The following DNAH17 variants were observed in gnomAD, a reference collection of about 807,000 sequenced individuals.
DNAH17 encodes dynein axonemal heavy chain 17.
DNAH17 carries 376 observed loss-of-function variants against 485.6 expected under a neutral mutation model. The observed-to-expected ratio is 0.77, with a 90% confidence interval of 0.71 to 0.84. DNAH17 has a LOEUF of 0.84. DNAH17 is among the 40% of genes least tolerant of loss of function. The pLI is 0.00. For synonymous variants in DNAH17, 3,031 were observed against 2,405.9 expected (o/e 1.26, Z -7.60); for missense variants, 6,370 against 5,839.3 (o/e 1.09, Z -2.96).
intron 74 of DNAH17, among the ~76,000 whole-genome samples, chr17:78,437,419 C>T (rs2086884398): frequency 6.6e-6 from 1 of 152,248 alleles, no homozygotes; most frequent in Admixed American, 6.5e-5. Context: ...GCATCTACAG[C>T]TTTAAGTAAT....
chr17:78,432,542 G>T (rs1302344528), intron 75 of DNAH17, among the ~76,000 whole-genome samples: 1 of 152,184 alleles, frequency 6.6e-6, no homozygotes, highest in African/African-American at 2.4e-5. Flanking sequence ...CAAGTTCCAG[G>T]CCCAGCCTTC....
In DNAH17 at chr17:78,423,966, C is replaced by A. The variant is rs1164313206; in HGVS notation, c.13329G>T (p.Lys4443Asn). The A allele has an allele frequency of 5.6e-6, 9 of 1,613,904 alleles. No homozygotes were observed. Among genetic ancestry groups the A allele is most frequent in the African/African-American group, 1.3e-5 (1 of 74,928 alleles). ...TCCACTTCGCTGCCTTCTCTTTGGTCTTCAAGTTAAAGGTCCAGACATAGG... is the reference window on the plus strand; with the variant it reads ...TCCACTTCGCTGCCTTCTCTTTGGTATTCAAGTTAAAGGTCCAGACATAGG... ...GPTYVWTFNLKTKEKAAKWIL... is the reference protein window; with the variant it reads ...GPTYVWTFNLNTKEKAAKWIL... Residue 4443 changes from lysine (K) to asparagine (N), a missense_variant, in exon 81 of 81, where the codon AAG becomes AAT. Physicochemically the swap from Lys to Asn is moderately conservative, Grantham distance 94. Transcript: ENST00000389840.
intron 17 of DNAH17, among the ~76,000 whole-genome samples, chr17:78,543,318 C>G (rs1338520279): frequency 6.9e-6 from 1 of 144,612 alleles, no homozygotes; most frequent in East Asian, 2.1e-4. Context: ...GAGTCTCGCT[C>G]TGTCGCCCAA....
intron 13 of DNAH17, among the ~76,000 whole-genome samples, chr17:78,559,373 G>C (rs935610099): frequency 6.6e-6 from 1 of 152,114 alleles, no homozygotes; most frequent in African/African-American, 2.4e-5. Context: ...CTGCCCTCTT[G>C]GCCAATGGCA....
chr17:78,530,004 G>A (rs1336593004), intron 21 of DNAH17, among the ~76,000 whole-genome samples: 2 of 152,222 alleles, frequency 1.3e-5, no homozygotes, highest in Non-Finnish European at 2.9e-5. Context: ...TCCTGGCACT[G>A]TGCCCATCAT....
At chr17:78,528,492 C>A (rs1598647175) in intron 22 of DNAH17, among the ~76,000 whole-genome samples, 1 of 152,144 alleles carries the variant, frequency 6.6e-6, no homozygotes, top group East Asian at 1.9e-4. Context: ...TCTTGTCACC[C>A]CCAGGGCTGT....
At position 78,468,827 on chromosome 17, in the gene DNAH17, G is replaced by A. The variant is rs1303333306; in HGVS notation, c.8568C>T (p.Phe2856=). ...CGGCCACCTGGGAGTCTGTCATCAG[G>A]AACACCGAGGGAACGTTCTTCACGG... ...KAAVKNVPSV[F]LMTDSQVAEE... is the part of the protein sequence containing the mutation. Residue 2856 remains phenylalanine, a synonymous_variant, in exon 55 of 81, where the codon TTC becomes TTT. Transcript: ENST00000389840. 1 of 1,614,008 alleles carries A rather than the reference G, an allele frequency of 6.2e-7. No homozygotes were observed. Among genetic ancestry groups the A allele is most frequent in the South Asian group, 1.1e-5 (1 of 91,080 alleles).
rs201905620 is a variant in DNAH17 at position 78,574,913 on chromosome 17, C to T, written c.145G>A (p.Val49Ile). The change falls in exon 2 of 81, where the codon GTC becomes ATC. Residue 49 changes from valine (V) to isoleucine (I), a missense_variant. Coordinates refer to ENST00000389840, the MANE Select transcript of DNAH17 (RefSeq NM_173628.4). ...TTGAGCGTCAGCACCAGCACCTGGA[C>T]GTCGGGCTTTTCAAAGAACTCTGTG... ...LFTEFFEKPDVQVLVLTLNAA... is the reference protein window; with the variant it reads ...LFTEFFEKPDIQVLVLTLNAA... The T allele has an allele frequency of 1.6e-4, 255 of 1,614,024 alleles. 1 individual carries two copies. In the African/African-American group the frequency reaches 2.2e-3, roughly 14 times the overall value.
chr17:78,441,129 C>T lies in DNAH17; in HGVS notation c.11599G>A (p.Glu3867Lys), dbSNP rs370262501. 3.0e-5 allele frequency: 48 copies of T among 1,613,948 alleles called. No homozygotes were observed. Among genetic ancestry groups the T allele is most frequent in the Middle Eastern group, 3.3e-4 (2 of 6,062 alleles). ...ATTGACGTGGAGGGGCTGCTCTCCT[C>T]GTAGGACTTAGAAAACTCAACACTC... ...GRSVEFSKSY[E>K]ESSPSTSIFF... The change falls in exon 72 of 81, where the codon GAG (glutamate) becomes AAG (lysine). Residue 3867 changes from glutamate (E) to lysine (K), a missense_variant. Coordinates refer to ENST00000389840, the MANE Select transcript of DNAH17 (RefSeq NM_173628.4).
Position 78,466,670 on chromosome 17 carries a change from C to G in DNAH17, c.8925G>C (p.Glu2975Asp). 1 of 1,610,506 alleles carries G rather than the reference C, an allele frequency of 6.2e-7. No homozygotes were observed. The highest frequency in any genetic ancestry group is 8.5e-7 in the Non-Finnish European group (1 of 1,178,510). The change falls in exon 56 of 81, where the codon GAG (glutamate) becomes GAC (aspartate). Residue 2975 changes from glutamate (E) to aspartate (D), a missense_variant. Physicochemically the swap from Glu to Asp is conservative, Grantham distance 45. Transcript: ENST00000389840. ...LVSVSARFLE[E>D]TEGIPWEVKA... ...AGTGACTCACCGGAATCCCCTCAGTCTCCTCCAGGAAGCGGGCGCTGACGG... is the reference window on the plus strand; with the variant it reads ...AGTGACTCACCGGAATCCCCTCAGTGTCCTCCAGGAAGCGGGCGCTGACGG...
chr17:78,483,203 G>T (rs1344081979), intron 48 of DNAH17, among the ~76,000 whole-genome samples: 1 of 152,198 alleles, frequency 6.6e-6, no homozygotes, highest in Non-Finnish European at 1.5e-5. Context: ...ACCTCCCCCA[G>T]GGAGCCACCT....
At chr17:78,531,754 G>A (rs1365692863) in intron 20 of DNAH17, among the ~76,000 whole-genome samples, 1 of 152,212 alleles carries the variant, frequency 6.6e-6, no homozygotes, top group African/African-American at 2.4e-5. Flanking sequence ...TACAGGTGAA[G>A]TGAGTTTCTT....
chr17:78,514,498 C>T (rs1474371244), intron 26 of DNAH17, among the ~76,000 whole-genome samples: 9 of 90,248 alleles, frequency 1.0e-4, no homozygotes, highest in African/African-American at 4.2e-4. Flanking sequence ...AACTAGACTC[C>T]GTCTCAAAAA....
Position 78,485,915 on chromosome 17 carries a change from T to C in DNAH17, c.7275+45A>G, listed in dbSNP as rs12944880. ...GTGTGGAGGGTACTGCACCGATTCC[T>C]GCCTCTAAATCACCAGTCGGTGGCC... On this transcript the variant is annotated intron_variant, in intron 46 of 80. Transcript: ENST00000389840. 0.67 allele frequency: 1,071,582 copies of C among 1,597,128 alleles called. 360,932 individuals carry two copies. The highest frequency in any genetic ancestry group is 0.77 in the Admixed American group (45,420 of 58,760).
chr17:78,463,890 G>A (rs530138557), intron 56 of DNAH17, among the ~76,000 whole-genome samples: 1 of 152,166 alleles, frequency 6.6e-6, no homozygotes, highest in African/African-American at 2.4e-5. Context: ...TAGTGCTGGT[G>A]GTGGGGCCAA....
At chr17:78,478,115 CCATCACCACCACGTGGCAT>C (rs1170958973) in intron 51 of DNAH17, among the ~76,000 whole-genome samples, 25 of 151,740 alleles carry the variant, frequency 1.6e-4, no homozygotes, top group African/African-American at 5.3e-4. Flanking sequence ...ATCATCTCCA[CCATCACCACCACGTGGCAT>C]CATCACATCA....
chr17:78,430,118 G>A (rs2086622622), intron 75 of DNAH17, among the ~76,000 whole-genome samples: 1 of 152,176 alleles, frequency 6.6e-6, no homozygotes, highest in Non-Finnish European at 1.5e-5. Context: ...TACAAAGCCT[G>A]GCTCATGGGC....
intron 24 of DNAH17, 59 bp downstream of exon 24, chr17:78,526,592 A>G (rs781228424): frequency 7.1e-7 from 1 of 1,418,168 alleles, no homozygotes; most frequent in African/African-American, 1.4e-5. Context: ...ACTACTTGAG[A>G]AAAGAAAGCA....
rs761984842 is a variant in DNAH17, at chr17:78,501,253, G to T, written c.5414C>A (p.Ala1805Asp). The change falls in exon 35 of 81, where the codon GCC (alanine) becomes GAC (aspartate). Residue 1805 changes from alanine to aspartate, a missense_variant. Coordinates refer to ENST00000389840, the MANE Select transcript of DNAH17 (RefSeq NM_173628.4). ...ATACTCATAGGAATACTGGATTTGG[G>T]CATCGCAGATGTTGGCAAAGCAGTG... ...KRHCFANICD[A>D]QIQYSYEYLG... 6.2e-7 allele frequency: 1 copy of T among 1,608,958 alleles called. No homozygotes were observed. The highest frequency in any genetic ancestry group is 2.2e-5 in the East Asian group (1 of 44,674).
Sources: allele counts gnomAD v4.1 joint callset (sites outside exome capture counted in the v4.1 genomes callset), GRCh38; gene constraint gnomAD v4.1.1; transcripts MANE v1.5; gene names NCBI Gene and HGNC (gene_info 2026-07-23, HGNC 2026-07-21).